SND1: variants seen among roughly 807,000 people sequenced by gnomAD.
SND1 encodes the protein staphylococcal nuclease domain-containing protein 1.
Under a neutral mutation model 121.7 loss-of-function variants are expected in SND1, and 38 were observed. The ratio of observed to expected loss-of-function variants is 0.31; its 90% CI spans 0.24 to 0.41. The LOEUF is 0.41. SND1 is among the 10% of genes least tolerant of loss of function. The pLI, the probability that SND1 is intolerant of heterozygous loss-of-function variation, is 1.00. For missense variants in SND1, 868 were observed against 1,184.6 expected (o/e 0.73, Z 3.92); for synonymous variants, 401 against 447.4 (o/e 0.90, Z 1.31).
intron 12 of SND1, among the ~76,000 whole-genome samples, chr7:127,883,422 A>C (rs1456697013): frequency 6.6e-6 from 1 of 152,200 alleles, no homozygotes; most frequent in Non-Finnish European, 1.5e-5. Flanking sequence ...TTTGTCTAAA[A>C]CTGTCCAGTT....
At chr7:127,791,823 G>A (rs991082620) in intron 10 of SND1, among the ~76,000 whole-genome samples, 3 of 152,070 alleles carry the variant, frequency 2.0e-5, no homozygotes, top group African/African-American at 7.2e-5. Flanking sequence ...TGCCATCTCC[G>A]TTAACCCTTA....
chr7:128,074,622 G>A lies in SND1; in HGVS notation c.1900G>A (p.Ala634Thr), dbSNP rs1793475238. The A allele has an allele frequency of 1.9e-6, 3 of 1,613,860 alleles. No homozygotes were observed. The highest frequency in any genetic ancestry group is 1.7e-6 in the Non-Finnish European group (2 of 1,179,982). ...EHALSKVHFT[A>T]ERSSYYKSLL... is the part of the protein sequence containing the mutation. The stretch of plus-strand genomic sequence containing the variant: ...CGCGCTCTCCAAGGTCCACTTCACC[G>A]CCGAACGCAGCTCCTACTACAAGTC... Residue 634 changes from alanine (A) to threonine (T), a missense_variant, in exon 17 of 24, where the codon GCC becomes ACC. Ala to Thr is a moderately conservative substitution (Grantham distance 58, BLOSUM62 0). Around this residue, in one of 2 missense-constraint regions of SND1, gnomAD observed 743 missense variants for 1,071.3 expected, o/e 0.69. Transcript: ENST00000354725.
chr7:127,670,065 A>G (rs1256334243), intron 1 of SND1, among the ~76,000 whole-genome samples: 1 of 149,696 alleles, frequency 6.7e-6, no homozygotes, highest in Admixed American at 6.7e-5. Flanking sequence ...ATCTCGGCTT[A>G]CTGCAACCTC....
intron 1 of SND1, among the ~76,000 whole-genome samples, chr7:127,669,061 T>C (rs556114331): frequency 6.6e-6 from 1 of 152,238 alleles, no homozygotes; most frequent in South Asian, 2.1e-4. Flanking sequence ...GGCTTAATCC[T>C]GGCTCACTGC....
chr7:127,945,274 C>G (rs559465721), intron 15 of SND1, among the ~76,000 whole-genome samples: 1 of 152,132 alleles, frequency 6.6e-6, no homozygotes, highest in Non-Finnish European at 1.5e-5. Flanking sequence ...GGGCGGATCA[C>G]GAGGTCAGGA....
intron 15 of SND1, among the ~76,000 whole-genome samples, chr7:127,986,462 G>C (rs1584717466): frequency 6.6e-6 from 1 of 152,194 alleles, no homozygotes; most frequent in Admixed American, 6.5e-5. Context: ...ATGAGGCCTG[G>C]ATAAGTTTAA....
chr7:127,812,456 T>C (rs956414733), intron 11 of SND1, among the ~76,000 whole-genome samples: 9 of 152,222 alleles, frequency 5.9e-5, no homozygotes, highest in African/African-American at 2.2e-4. Context: ...ATACAGACAA[T>C]GTGAAGTCCT....
At chr7:128,038,129 T>A (rs1252634967) in intron 16 of SND1, among the ~76,000 whole-genome samples, 6 of 152,268 alleles carry the variant, frequency 3.9e-5, no homozygotes, top group Admixed American at 6.5e-5. Context: ...TCCATGCCTA[T>A]GCTTACAATT....
chr7:127,740,717 C>T (rs1456089189), intron 10 of SND1, among the ~76,000 whole-genome samples: 3 of 152,158 alleles, frequency 2.0e-5, no homozygotes, highest in South Asian at 4.1e-4. Context: ...TTCCCTCCAC[C>T]TTCCAAAGCT....
intron 16 of SND1, chr7:128,028,278 G>A (rs1223303796): frequency 6.0e-6 from 1 of 166,860 alleles, no homozygotes; most frequent in Non-Finnish European, 1.3e-5. Flanking sequence ...GTCCTATGAA[G>A]CATCTTCTAA....
chr7:127,878,896 C>T (rs747871208), intron 12 of SND1, among the ~76,000 whole-genome samples: 2 of 152,014 alleles, frequency 1.3e-5, no homozygotes, highest in African/African-American at 4.8e-5. Context: ...CTCCTGTCTA[C>T]GGATGCAGCT....
intron 16 of SND1, among the ~76,000 whole-genome samples, chr7:128,003,986 C>T (rs1388886435): frequency 6.6e-6 from 1 of 152,122 alleles, no homozygotes; most frequent in Admixed American, 6.5e-5. Context: ...ACTTCCTCCT[C>T]CTAATCTCAG....
At chr7:127,790,958 A>G (rs192807193) in intron 10 of SND1, among the ~76,000 whole-genome samples, 76 of 152,348 alleles carry the variant, frequency 5.0e-4, no homozygotes. Context: ...TGTCAGGAGC[A>G]GAACTGGGCT....
At chr7:128,040,437 TAAAAAA>T (rs67595921) in intron 16 of SND1, among the ~76,000 whole-genome samples, 376 of 32,888 alleles carry the variant, frequency 0.011, no homozygotes, top group Admixed American at 0.021. Flanking sequence ...GTCCTATCTT[TAAAAAA>T]AAAAAAAAAA....
At chr7:127,939,485 G>A (rs1801137607) in intron 15 of SND1, among the ~76,000 whole-genome samples, 1 of 152,138 alleles carries the variant, frequency 6.6e-6, no homozygotes, top group Admixed American at 6.5e-5. Context: ...CACAGACCTT[G>A]GAGCTAAAAC....
At chr7:127,698,485 GA>G (rs1343291180) in intron 3 of SND1, among the ~76,000 whole-genome samples, 1 of 152,100 alleles carries the variant, frequency 6.6e-6, no homozygotes, top group Non-Finnish European at 1.5e-5. Context: ...AGAGCTTGTC[GA>G]AGCTATTAAG....
At chr7:127,756,422 T>C (rs1797196337) in intron 10 of SND1, among the ~76,000 whole-genome samples, 1 of 152,248 alleles carries the variant, frequency 6.6e-6, no homozygotes, top group South Asian at 2.1e-4. Flanking sequence ...CCAAGCTCTG[T>C]AAGTGTGTTT....
intron 9 of SND1, 72 bp downstream of exon 9, chr7:127,707,719 A>C: frequency 7.5e-7 from 1 of 1,333,000 alleles, no homozygotes; most frequent in Non-Finnish European, 1.1e-6. Context: ...GAATTTGAAC[A>C]ATTAGAAATG....
intron 15 of SND1, among the ~76,000 whole-genome samples, chr7:127,956,550 T>C (rs1801597534): frequency 6.6e-6 from 1 of 152,198 alleles, no homozygotes; most frequent in Non-Finnish European, 1.5e-5. Context: ...GAGACAGGGC[T>C]AGAGTGGTCA....
Sources: allele counts gnomAD v4.1 joint callset (sites outside exome capture counted in the v4.1 genomes callset), GRCh38; gene constraint gnomAD v4.1.1; regional missense constraint gnomAD v4.1.1; transcripts MANE v1.5; gene names NCBI Gene and HGNC (gene_info 2026-07-23, HGNC 2026-07-21).